STYXL1: variants seen among roughly 807,000 people sequenced by gnomAD.
STYXL1 encodes serine/threonine/tyrosine-interacting-like protein 1.
In STYXL1, 32 loss-of-function variants were observed where a neutral mutation model predicts 36.4. The ratio of observed to expected loss-of-function variants is 0.88; its 90% CI spans 0.66 to 1.18. STYXL1 has a LOEUF of 1.18. STYXL1 is among the 50% of genes most tolerant of loss of function. The pLI is 0.00. For missense variants in STYXL1, 354 were observed against 394.1 expected (o/e 0.90, Z 0.86); for synonymous variants, 133 against 144.1 (o/e 0.92, Z 0.55).
rs1357578033 is a variant in STYXL1, at chr7:76,021,930, C to T, written c.228G>A (p.Val76=). 7 of 1,613,578 alleles carry T rather than the reference C, an allele frequency of 4.3e-6. No individual in the cohort carries two copies. Among genetic ancestry groups the T allele is most frequent in the South Asian group, 2.2e-5 (2 of 91,078 alleles). The change falls in exon 4 of 9, where the codon GTG becomes GTA. Residue 76 remains valine, a synonymous_variant. Transcript: ENST00000359697. ...VDLECVKYCV[V]YDNNSSTLEI... is the part of the protein sequence containing the mutation. ...CCAGGGTGCTGCTGTTGTTATCATACACCACGCAGTACTTCACACACTCCA... is the reference window on the plus strand; with the variant it reads ...CCAGGGTGCTGCTGTTGTTATCATATACCACGCAGTACTTCACACACTCCA...
intron 4 of STYXL1, among the ~76,000 whole-genome samples, chr7:76,014,706 A>G (rs1793050456): frequency 6.6e-6 from 1 of 151,942 alleles, no homozygotes; most frequent in Non-Finnish European, 1.5e-5. Context: ...TACAATACAT[A>G]TATCTCAGAG....
intron 1 of STYXL1, among the ~76,000 whole-genome samples, chr7:76,046,645 CTTT>C (rs147700789): frequency 0.56 from 65,052 of 116,134 alleles, 19,347 homozygotes; most frequent in Non-Finnish European, 0.69. Flanking sequence ...CCACACCCGG[CTTT>C]TTTTTTTTTT....
At position 76,003,748 on chromosome 7, in the gene STYXL1, C is replaced by T. The variant is rs782083602; in HGVS notation, c.697+10G>A. 5.9e-5 allele frequency: 96 copies of T among 1,613,826 alleles called. No homozygotes were observed. In the East Asian group the frequency reaches 1.4e-3, roughly 24 times the overall value. Reference sequence around the variant, plus strand: ...GGCCAGTTGCTACCCGGCCAAGGAACGCTCCTTACCAATGAAGTGACACAT... The same window carrying T: ...GGCCAGTTGCTACCCGGCCAAGGAATGCTCCTTACCAATGAAGTGACACAT... On this transcript the variant is annotated intron_variant, in intron 7 of 8. Coordinates refer to ENST00000359697, the MANE Select transcript of STYXL1 (RefSeq NM_001317785.2).
At chr7:76,021,080 A>ATTTTTTTTTTTTTTTTTTTTTTT (rs200072611) in intron 4 of STYXL1, among the ~76,000 whole-genome samples, 16 of 144,884 alleles carry the variant, frequency 1.1e-4, no homozygotes, top group African/African-American at 4.1e-4. Flanking sequence ...TGTTACAAGA[A>ATTTTTTTTTTTTTTTTTTTTTTT]TTTTTTTTTT....
chr7:76,009,727 G>A (rs1792323938), intron 5 of STYXL1, among the ~76,000 whole-genome samples: 1 of 152,172 alleles, frequency 6.6e-6, no homozygotes. Context: ...AAATTTTTGT[G>A]TAAACAAGGT....
At chr7:76,001,900 A>T (rs1790988107) in intron 7 of STYXL1, among the ~76,000 whole-genome samples, 1 of 146,944 alleles carries the variant, frequency 6.8e-6, no homozygotes, top group African/African-American at 2.5e-5. Context: ...TTGGCTTCTC[A>T]AAGTACTGGA....
In STYXL1 at chr7:76,019,446, A is replaced by G. The variant is rs369899322; in HGVS notation, c.307+2405T>C. On this transcript the variant is annotated intron_variant, in intron 4 of 8. Transcript: ENST00000359697. ...TGAGTAGCTGGTGCTACAGGCATGC[A>G]CCACCATGCCTGGCTAAATTTTTTT... is the stretch of plus-strand genomic sequence containing the variant. Among the ~76,000 whole-genome samples, 47 of 151,618 alleles carry G rather than the reference A, an allele frequency of 3.1e-4. No homozygotes were observed. In the East Asian group the frequency reaches 8.0e-3, roughly 26 times the overall value.
chr7:76,027,785 C>A (rs925159665), intron 3 of STYXL1, among the ~76,000 whole-genome samples: 2 of 152,108 alleles, frequency 1.3e-5, no homozygotes, highest in Admixed American at 6.6e-5. Flanking sequence ...GGGTCTGGAA[C>A]AATACCTGGC....
rs566528573 is a variant in STYXL1 at position 76,005,163 on chromosome 7, GTAA to G, written c.599+93_599+95del. 3,789 of 786,928 alleles carry G rather than the reference GTAA, an allele frequency of 4.8e-3. 19 individuals carry two copies. Among genetic ancestry groups the G allele is most frequent in the Admixed American group, 6.1e-3 (118 of 19,348 alleles). 48.7% of individuals were successfully genotyped at this position (786,928 alleles called of 1,614,324 possible). A position where few individuals can be genotyped will look rare whatever the true frequency, so the allele number is the denominator to read the frequency against. ...GCACATGTACCCTAAAACGTAAAGT[GTAA>G]TAATAATAAAATTAAAAAAAATAAA... On this transcript the variant is annotated intron_variant, in intron 6 of 8. Coordinates refer to ENST00000359697, the MANE Select transcript of STYXL1 (RefSeq NM_001317785.2).
In STYXL1 at chr7:76,037,777, A is replaced by G. The variant is rs1028058437; in HGVS notation, c.-4-7250T>C. On this transcript the variant is annotated intron_variant, in intron 1 of 8. Coordinates refer to ENST00000359697, the MANE Select transcript of STYXL1 (RefSeq NM_001317785.2). ...AAGAGACAACACTTGATGATCCTGG[A>G]GAAGCCAGACCATGAGCTTCACTTT... is the stretch of plus-strand genomic sequence containing the variant. Among the ~76,000 whole-genome samples the G allele has an allele frequency of 2.0e-5, 3 of 149,808 alleles. 1 individual carries two copies. The highest frequency in any genetic ancestry group is 4.5e-5 in the Non-Finnish European group (3 of 67,018).
At chr7:76,030,724 A>G (rs571323387) in intron 1 of STYXL1, among the ~76,000 whole-genome samples, 197 bp from the exon 2 acceptor site, 12 of 152,004 alleles carry the variant, frequency 7.9e-5, no homozygotes, top group African/African-American at 2.9e-4. Flanking sequence ...TAAATACAAC[A>G]TATCTAGCCA....
rs148062452 is a variant in STYXL1, at chr7:76,005,852, GGAGGAGA to G, written c.454-455_454-449del. 7.0e-3 allele frequency among the ~76,000 whole-genome samples: 171 copies of G among 24,524 alleles called. 1 individual carries two copies. Among genetic ancestry groups the G allele is most frequent in the African/African-American group, 0.02 (146 of 7,440 alleles). 16.1% of individuals were successfully genotyped at this position (24,524 alleles called of 152,430 possible). On this transcript the variant is annotated intron_variant, in intron 5 of 8. Transcript: ENST00000359697. The stretch of plus-strand genomic sequence containing the variant: ...GAAGAGAGAGGAGGAGGAAGAGAGA[GGAGGAGA>G]GAGGAGGAAGAGAGAGGAGGAGAGA...
chr7:76,026,563 T>C (rs967792930), intron 3 of STYXL1, among the ~76,000 whole-genome samples: 1 of 152,008 alleles, frequency 6.6e-6, no homozygotes, highest in Non-Finnish European at 1.5e-5. Flanking sequence ...ATTACAGGAG[T>C]AAGCCTCCAT....
chr7:76,046,040 A>G (rs1796922021), intron 1 of STYXL1: 1 of 152,150 alleles, frequency 6.6e-6, no homozygotes, highest in Admixed American at 6.5e-5. Context: ...TCCAAAATAA[A>G]TGATCTATTC....
At chr7:76,015,498 A>G (rs1793170616) in intron 4 of STYXL1, among the ~76,000 whole-genome samples, 1 of 152,234 alleles carries the variant, frequency 6.6e-6, no homozygotes. Context: ...AAGCAATTGC[A>G]ACAAAACAAA....
At chr7:76,034,224 T>A (rs1795692401) in intron 1 of STYXL1, among the ~76,000 whole-genome samples, 1 of 152,144 alleles carries the variant, frequency 6.6e-6, no homozygotes. Context: ...TACCTCAGAC[T>A]CCTACGTAAT....
chr7:75,999,837 C>T (rs955877190), intron 8 of STYXL1, among the ~76,000 whole-genome samples: 13 of 152,122 alleles, frequency 8.5e-5, no homozygotes, highest in Non-Finnish European at 1.5e-4. Flanking sequence ...TGAGCCACCG[C>T]GCCCGGCCTG....
chr7:76,012,675 G>A (rs538259711), intron 5 of STYXL1, among the ~76,000 whole-genome samples: 4 of 152,246 alleles, frequency 2.6e-5, no homozygotes, highest in Admixed American at 6.5e-5. Flanking sequence ...GATTATAGGC[G>A]TGAGCCACCA....
chr7:76,016,411 C>A (rs556630009), intron 4 of STYXL1, among the ~76,000 whole-genome samples: 1,889 of 151,100 alleles, frequency 0.013, 42 homozygotes, highest in African/African-American at 0.043. Flanking sequence ...ATACGTATAT[C>A]TATACGTATA....
Sources: gnomAD v4.1 joint callset for allele counts (sites outside exome capture counted in the v4.1 genomes callset) on GRCh38, gnomAD v4.1.1 for gene constraint, MANE v1.5 for transcripts, NCBI Gene and HGNC (gene_info 2026-07-23, HGNC 2026-07-21) for gene names.